The following ZNF75D variants were observed in gnomAD, a reference collection of about 807,000 sequenced individuals.
The protein encoded by ZNF75D is zinc finger protein 75.
Under a neutral mutation model 33.3 loss-of-function variants are expected in ZNF75D, and 33 were observed. The observed-to-expected ratio is 0.99, with a 90% CI of 0.75 to 1.32. The LOEUF is 1.32. Among genes scored for constraint, ZNF75D ranks in the 40% most tolerant of loss-of-function variants. The pLI is 0.00. For synonymous variants in ZNF75D, 113 were observed against 130.6 expected, an observed-to-expected ratio of 0.87 and a Z score of 0.92; for missense variants, 338 against 367.5, an observed-to-expected ratio of 0.92 and a Z score of 0.66.
At chrX:135,310,194 C>G in intron 1 of ZNF75D, among the ~76,000 whole-genome samples, 1 of 111,894 alleles carries the variant, frequency 8.9e-6, no homozygotes, top group Admixed American at 9.5e-5. Flanking sequence ...ATTCAGTGTC[C>G]CCAGGAAAGT....
chrX:135,297,435 A>G (rs979076952), intron 1 of ZNF75D: 1 of 112,146 alleles, frequency 8.9e-6, no homozygotes, highest in Admixed American at 9.4e-5. Context: ...TTTCAACATA[A>G]CATTTTATAA....
chrX:135,257,971 C>A (rs2083814522), intron 1 of ZNF75D, among the ~76,000 whole-genome samples: 1 of 108,957 alleles, frequency 9.2e-6, no homozygotes, highest in South Asian at 4.0e-4. Context: ...AGCCCCCCCA[C>A]CACCCAACAG....
intron 1 of ZNF75D, among the ~76,000 whole-genome samples, chrX:135,334,502 C>T (rs1310960463): frequency 8.9e-6 from 1 of 112,026 alleles, no homozygotes; most frequent in Non-Finnish European, 1.9e-5. Context: ...CAAAGGCTCT[C>T]AAAGAAAGCA....
chrX:135,281,500 C>T (rs1282492382), downstream of ZNF75D, among the ~76,000 whole-genome samples: 2 of 111,075 alleles, frequency 1.8e-5, no homozygotes, highest in Non-Finnish European at 3.8e-5. Flanking sequence ...ATTTGTCAAA[C>T]TCATTCTCCG....
chrX:135,284,738 G>A (rs1233722589), downstream of ZNF75D, among the ~76,000 whole-genome samples: 8 of 109,050 alleles, frequency 7.3e-5, no homozygotes, highest in Admixed American at 7.8e-4. Context: ...ATGAGGACCT[G>A]CACGATAAGC....
intron 1 of ZNF75D, among the ~76,000 whole-genome samples, chrX:135,268,602 A>C (rs1556416567): frequency 9.0e-6 from 1 of 111,338 alleles, no homozygotes; most frequent in Non-Finnish European, 1.9e-5. Context: ...TGAAGACAAC[A>C]CAAAATAATA....
intron 1 of ZNF75D, among the ~76,000 whole-genome samples, chrX:135,318,087 A>T (rs1441500970): frequency 0.01 from 973 of 95,041 alleles, 16 homozygotes; most frequent in African/African-American, 0.025. Flanking sequence ...ATATATATAT[A>T]TTTTTTTTTT....
chrX:135,337,693 T>C (rs1307364686), intron 1 of ZNF75D, among the ~76,000 whole-genome samples: 1 of 110,568 alleles, frequency 9.0e-6, no homozygotes, highest in Non-Finnish European at 1.9e-5. Context: ...AATATTGGAA[T>C]CCTAAATGCA....
chrX:135,265,586 A>G (rs1028625015), intron 1 of ZNF75D, among the ~76,000 whole-genome samples: 6 of 112,208 alleles, frequency 5.3e-5, no homozygotes, highest in African/African-American at 1.9e-4. Flanking sequence ...ATAAAGTTTT[A>G]CCCTAGAATA....
chrX:135,324,730 A>G (rs954586614), intron 1 of ZNF75D, among the ~76,000 whole-genome samples: 1 of 112,418 alleles, frequency 8.9e-6, no homozygotes, highest in Non-Finnish European at 1.9e-5. Context: ...TCAGGCCCAG[A>G]TGCCCACGCT....
At chrX:135,258,301 G>A (rs1180056676) in intron 1 of ZNF75D, among the ~76,000 whole-genome samples, 2 of 110,222 alleles carry the variant, frequency 1.8e-5, no homozygotes, top group Non-Finnish European at 3.8e-5. Context: ...AATCCTTTGG[G>A]TATATACCCA....
intron 1 of ZNF75D, among the ~76,000 whole-genome samples, chrX:135,300,063 T>C (rs1404426312): frequency 8.9e-6 from 1 of 112,343 alleles, no homozygotes; most frequent in Non-Finnish European, 1.9e-5. Flanking sequence ...CTTATATCTT[T>C]GTTCTCCTTT....
At chrX:135,329,650 C>T (rs2084627559) in intron 1 of ZNF75D, among the ~76,000 whole-genome samples, 1 of 111,728 alleles carries the variant, frequency 9.0e-6, no homozygotes, top group Non-Finnish European at 1.9e-5. Context: ...AGAAAAATTG[C>T]CTCTGTCAAC....
intron 1 of ZNF75D, among the ~76,000 whole-genome samples, chrX:135,340,599 C>A (rs1457648547): frequency 2.7e-5 from 3 of 111,910 alleles, no homozygotes; most frequent in African/African-American, 9.8e-5. Flanking sequence ...AATCTTAGAG[C>A]AGGCACAGTG....
downstream of ZNF75D, among the ~76,000 whole-genome samples, chrX:135,282,489 G>A (rs2083923651): frequency 2.7e-5 from 3 of 111,389 alleles, no homozygotes; most frequent in South Asian, 1.1e-3. Context: ...CCCTTTCCAG[G>A]GAGTGAAAAG....
At chrX:135,256,240 G>A (rs781936964) in intron 1 of ZNF75D, among the ~76,000 whole-genome samples, 5 of 81,420 alleles carry the variant, frequency 6.1e-5, no homozygotes, top group South Asian at 1.5e-3. Context: ...ATTGCACAGG[G>A]CAAGAGAGGT....
At chrX:135,324,751 G>A (rs1452219572) in intron 1 of ZNF75D, among the ~76,000 whole-genome samples, 1 of 112,474 alleles carries the variant, frequency 8.9e-6, no homozygotes, top group Non-Finnish European at 1.9e-5. Context: ...CTAACATTAG[G>A]AGAACCAGAA....
intron 1 of ZNF75D, among the ~76,000 whole-genome samples, chrX:135,256,433 G>A (rs1370837687): frequency 1.8e-5 from 2 of 111,508 alleles, no homozygotes; most frequent in Non-Finnish European, 3.8e-5. Context: ...GTGTGGGGGG[G>A]TGCATTTGGA....
chrX:135,290,877 C>T (rs2084028201), intron 6 of ZNF75D, 132 bp downstream of exon 6: 1 of 613,524 alleles, frequency 1.6e-6, no homozygotes, highest in African/African-American at 2.3e-5. Flanking sequence ...CCCTTTATTT[C>T]CCATACATCA....
Sources: gnomAD v4.1 joint callset for allele counts (sites outside exome capture counted in the v4.1 genomes callset) on GRCh38, gnomAD v4.1.1 for gene constraint, MANE v1.5 for transcripts, NCBI Gene and HGNC (gene_info 2026-07-23, HGNC 2026-07-21) for gene names.